Variants in SPTBN1 observed in about 807,000 individuals in gnomAD.
SPTBN1 encodes spectrin beta chain, non-erythrocytic 1.
SPTBN1 carries 32 observed loss-of-function variants against 266.4 expected under a neutral mutation model. The ratio of observed to expected loss-of-function variants is 0.12; its 90% CI spans 0.09 to 0.16. The LOEUF (loss-of-function observed/expected upper bound fraction) is 0.16. Ranked by LOEUF, SPTBN1 falls within the 10% of genes least tolerant of loss-of-function variation. The pLI is 1.00. For synonymous variants in SPTBN1, 1,336 were observed against 1,162.2 expected (o/e 1.15, Z -3.04); for missense variants, 2,296 against 3,067.1 (o/e 0.75, Z 5.94).
chr2:54,612,071 A>G lies in SPTBN1; in HGVS notation c.301-90A>G, dbSNP rs969834569. 8.6e-6 allele frequency: 11 copies of G among 1,283,684 alleles called. No homozygotes were observed. In the Admixed American group the frequency reaches 1.4e-4, roughly 16 times the overall value. The allele number at this position is 1,283,684 out of a possible 1,614,324, so 79.5% of individuals were successfully genotyped here. A position where few individuals can be genotyped will look rare whatever the true frequency, so the allele number is the denominator to read the frequency against. On this transcript the variant is annotated intron_variant, in intron 3 of 35. Transcript: ENST00000356805. ...TCTGCTCTGAGCGGGAGAGCATTGC[A>G]TGAATGGGCACATGTGACTAGGCAG... is the stretch of plus-strand genomic sequence containing the variant.
chr2:54,575,788 C>G (rs1036521411), intron 2 of SPTBN1, among the ~76,000 whole-genome samples: 6 of 152,182 alleles, frequency 3.9e-5, no homozygotes, highest in African/African-American at 1.4e-4. Flanking sequence ...TTGAATCTGT[C>G]CACAAACTTC....
chr2:54,534,913 C>T (rs1671509700), intron 2 of SPTBN1: 1 of 152,478 alleles, frequency 6.6e-6, no homozygotes, highest in Non-Finnish European at 1.5e-5. Context: ...TCTCCTTCCT[C>T]AGTCACCTCA....
Position 54,612,290 on chromosome 2 carries a change from C to T in SPTBN1, c.430C>T (p.Arg144Trp). Residue 144 changes from arginine to tryptophan, a missense_variant, in exon 4 of 36, where the codon CGG (arginine) becomes TGG (tryptophan). Around this residue, in one of 12 missense-constraint regions of SPTBN1, gnomAD observed 178 missense variants for 375.7 expected, o/e 0.47. Coordinates refer to ENST00000356805, the MANE Select transcript of SPTBN1 (RefSeq NM_003128.3). ...CCATGACATCGTGGATGGAAACCACCGGCTGACCCTTGGCCTCATCTGGAC... is the reference window on the plus strand; with the variant it reads ...CCATGACATCGTGGATGGAAACCACTGGCTGACCCTTGGCCTCATCTGGAC... ...GSHDIVDGNH[R>W]LTLGLIWTII... 1 of 1,613,980 alleles carries T rather than the reference C, an allele frequency of 6.2e-7. No individual in the cohort carries two copies. Among genetic ancestry groups the T allele is most frequent in the Non-Finnish European group, 8.5e-7 (1 of 1,179,866 alleles).
intron 2 of SPTBN1, among the ~76,000 whole-genome samples, chr2:54,594,829 G>GTT (rs566074908): frequency 6.5e-5 from 3 of 46,384 alleles, no homozygotes; most frequent in Non-Finnish European, 1.1e-4. Context: ...CCTCTGGTAA[G>GTT]TTTCTTTTTT....
rs150622199 is a variant in SPTBN1 at position 54,491,868 on chromosome 2, G to A, written c.-47-34504G>A. 1.2e-3 allele frequency among the ~76,000 whole-genome samples: 179 copies of A among 152,100 alleles called. 1 individual carries two copies. Among genetic ancestry groups the A allele is most frequent in the South Asian group, 0.01 (49 of 4,790 alleles). The stretch of plus-strand genomic sequence containing the variant: ...CTCCACCTTGCCTCCCAAAGTGCTG[G>A]GATTACAGTCATGAGCCACTGCACC... On this transcript the variant is annotated intron_variant, in intron 1 of 35. Transcript: ENST00000356805.
chr2:54,461,234 C>T (rs982379316), intron 1 of SPTBN1, among the ~76,000 whole-genome samples: 2 of 152,212 alleles, frequency 1.3e-5, no homozygotes, highest in South Asian at 2.1e-4. Context: ...TTCTGACTCA[C>T]ATATTTAGAT....
intron 17 of SPTBN1, 33 bp downstream of exon 17, chr2:54,632,801 G>C (rs1373161132): frequency 6.2e-7 from 1 of 1,603,962 alleles, no homozygotes; most frequent in African/African-American, 1.3e-5. Context: ...AGGGAGCCTT[G>C]CACCTTGGGG....
intron 2 of SPTBN1, among the ~76,000 whole-genome samples, chr2:54,584,987 A>G (rs1412702366): frequency 6.6e-6 from 1 of 152,222 alleles, no homozygotes; most frequent in African/African-American, 2.4e-5. Context: ...GATGTTATAA[A>G]GATCTGTATT....
chr2:54,651,431 G>A (rs1487480518), intron 26 of SPTBN1, among the ~76,000 whole-genome samples: 1 of 152,152 alleles, frequency 6.6e-6, no homozygotes, highest in Admixed American at 6.5e-5. Context: ...ACCTGATCTG[G>A]GTTTCTTTTC....
Position 54,669,900 on chromosome 2 carries a change from G to A in SPTBN1, c.*1331G>A, listed in dbSNP as rs577790425. 1 of 152,288 alleles carries A rather than the reference G, an allele frequency of 6.6e-6. No individual in the cohort carries two copies. Among genetic ancestry groups the A allele is most frequent in the Admixed American group, 6.5e-5 (1 of 15,294 alleles). 9.4% of individuals were successfully genotyped at this position (152,288 alleles called of 1,614,324 possible). ...GGCTTTATCTTTTATTTATGAAAAA[G>A]TTACCAGAGCACTTGTGAAACCTGA... is the stretch of plus-strand genomic sequence containing the variant. On this transcript the variant is annotated 3_prime_UTR_variant, in exon 36 of 36. Coordinates refer to ENST00000356805, the MANE Select transcript of SPTBN1 (RefSeq NM_003128.3).
At chr2:54,613,775 T>C (rs1276686819) in intron 4 of SPTBN1, among the ~76,000 whole-genome samples, 1 of 152,242 alleles carries the variant, frequency 6.6e-6, no homozygotes, top group Non-Finnish European at 1.5e-5. Context: ...GGAGTAGCCA[T>C]TGAATCCACT....
At chr2:54,637,849 A>T in intron 18 of SPTBN1, 46 bp downstream of exon 18, 1 of 1,459,992 alleles carries the variant, frequency 6.8e-7, no homozygotes, top group Non-Finnish European at 9.5e-7. Context: ...CAGTAATAGC[A>T]ATTGCCAGCC....
At chr2:54,667,380 C>A (rs745388356) in intron 34 of SPTBN1, among the ~76,000 whole-genome samples, 3 of 152,128 alleles carry the variant, frequency 2.0e-5, no homozygotes, top group Non-Finnish European at 2.9e-5. Context: ...GATTGAAGCA[C>A]AGGCTCCCTG....
chr2:54,645,559 AAGCTG>A lies in SPTBN1; in HGVS notation c.4494+112_4494+116del. ...CATCCTCACCTTGGGCCACGTTGGC[AAGCTG>A]AGCTGCCAAAGTCCACGCTCTGGAT... On this transcript the variant is annotated intron_variant, in intron 21 of 35. Coordinates refer to ENST00000356805, the MANE Select transcript of SPTBN1 (RefSeq NM_003128.3). This position sits in a 1 kb window ranked among gnomAD's most constrained non-coding sequence, Gnocchi z 4.3. 1 of 1,245,274 alleles carries A rather than the reference AAGCTG, an allele frequency of 8.0e-7. No homozygotes were observed. Among genetic ancestry groups the A allele is most frequent in the Non-Finnish European group, 1.1e-6 (1 of 895,436 alleles). 77.1% of individuals were successfully genotyped at this position (1,245,274 alleles called of 1,614,324 possible).
chr2:54,613,281 T>A (rs1677354653), intron 4 of SPTBN1, among the ~76,000 whole-genome samples: 1 of 148,860 alleles, frequency 6.7e-6, no homozygotes, highest in South Asian at 2.2e-4. Context: ...TTGCCATTCC[T>A]TCCTGTTCTG....
intron 1 of SPTBN1, among the ~76,000 whole-genome samples, chr2:54,478,914 GTA>G (rs5831305): frequency 1.3e-5 from 2 of 151,264 alleles, no homozygotes; most frequent in Admixed American, 1.3e-4. Flanking sequence ...ATATATATGT[GTA>G]TATATATATA....
At chr2:54,566,318 G>A (rs760187925) in intron 2 of SPTBN1, among the ~76,000 whole-genome samples, 1 of 151,254 alleles carries the variant, frequency 6.6e-6, no homozygotes, top group African/African-American at 2.4e-5. Flanking sequence ...CTCCCGAGTA[G>A]CTGGGATTAT....
chr2:54,607,316 A>G (rs1402994756), intron 3 of SPTBN1, among the ~76,000 whole-genome samples: 3 of 152,256 alleles, frequency 2.0e-5, no homozygotes, highest in Non-Finnish European at 2.9e-5. Flanking sequence ...TACAAATAAT[A>G]TAGCCATGAT....
intron 1 of SPTBN1, among the ~76,000 whole-genome samples, chr2:54,523,386 T>C (rs1214594521): frequency 6.6e-6 from 1 of 152,220 alleles, no homozygotes; most frequent in Non-Finnish European, 1.5e-5. Flanking sequence ...TGGGTGACAG[T>C]TTGAGTCACA....
Sources: allele counts gnomAD v4.1 joint callset (sites outside exome capture counted in the v4.1 genomes callset), GRCh38; gene constraint gnomAD v4.1.1; regional missense constraint gnomAD v4.1.1; non-coding constraint Gnocchi (gnomAD v3.1); transcripts MANE v1.5; gene names NCBI Gene and HGNC (gene_info 2026-07-23, HGNC 2026-07-21).